DISC1: variants seen among roughly 807,000 people sequenced by gnomAD.
DISC1 encodes the protein DISC1 scaffold protein.
A neutral mutation model predicts 84.5 loss-of-function variants in DISC1; 57 were observed. The ratio of observed to expected loss-of-function variants is 0.67; its 90% CI spans 0.55 to 0.84. The LOEUF (loss-of-function observed/expected upper bound fraction) is 0.84. DISC1 is among the 40% of genes least tolerant of loss of function. DISC1 has a pLI of 0.00. For synonymous variants in DISC1, 411 were observed against 415.2 expected (o/e 0.99, Z 0.12); for missense variants, 1,000 against 1,057.8 (o/e 0.95, Z 0.76).
intron 3 of DISC1, among the ~76,000 whole-genome samples, chr1:231,712,780 G>A (rs528848980): frequency 1.3e-5 from 2 of 152,304 alleles, no homozygotes; most frequent in South Asian, 2.1e-4. Flanking sequence ...AAAATGGCAG[G>A]CATTGCTTGC....
At chr1:231,650,507 T>C (rs1404992783) in intron 1 of DISC1, among the ~76,000 whole-genome samples, 2 of 152,250 alleles carry the variant, frequency 1.3e-5, no homozygotes, top group Non-Finnish European at 2.9e-5. Flanking sequence ...TTTTCCTTCA[T>C]TTCAACCTTG....
intron 1 of DISC1, among the ~76,000 whole-genome samples, chr1:231,677,388 C>T (rs6541281): frequency 0.4 from 60,345 of 152,078 alleles, 12,893 homozygotes; most frequent in Middle Eastern, 0.48. Context: ...CGTAGCTCTT[C>T]TCTCTTTTTA....
Position 231,850,123 on chromosome 1 carries a change from G to A in DISC1, c.1981+31606G>A, listed in dbSNP as rs113165225. ...TGTGGGAGGGCTGGGCCCCACCTAC[G>A]GAGAACTCTGGTAGTGTGCCAAGAG... On this transcript the variant is annotated intron_variant, in intron 9 of 12. Coordinates refer to ENST00000439617, the MANE Select transcript of DISC1 (RefSeq NM_018662.3). Among the ~76,000 whole-genome samples the A allele has an allele frequency of 1.4e-4, 22 of 152,306 alleles. 1 individual carries two copies. Among genetic ancestry groups the A allele is most frequent in the African/African-American group, 4.1e-4 (17 of 41,560 alleles).
intron 1 of DISC1, among the ~76,000 whole-genome samples, chr1:231,666,707 G>A (rs1224692939): frequency 2.6e-5 from 4 of 152,086 alleles, no homozygotes; most frequent in Non-Finnish European, 5.9e-5. Flanking sequence ...TGACACCTCT[G>A]TGACCTCGCC....
At chr1:231,743,567 A>G (rs1029612156) in intron 3 of DISC1, among the ~76,000 whole-genome samples, 4 of 152,248 alleles carry the variant, frequency 2.6e-5, no homozygotes, top group Non-Finnish European at 5.9e-5. Context: ...ATAAAGTATT[A>G]AGAAAGAAAT....
chr1:231,833,292 ATATC>A (rs2082382002), intron 9 of DISC1, among the ~76,000 whole-genome samples: 2 of 151,570 alleles, frequency 1.3e-5, no homozygotes, highest in South Asian at 4.2e-4. Context: ...CTGGCCGTCA[ATATC>A]TACAACAGTT....
intron 8 of DISC1, among the ~76,000 whole-genome samples, chr1:231,802,599 T>C (rs2079361156): frequency 6.6e-6 from 1 of 152,148 alleles, no homozygotes; most frequent in Non-Finnish European, 1.5e-5. Flanking sequence ...TTGCAGAGAG[T>C]AGGAATAACA....
Position 231,859,070 on chromosome 1 carries a change from C to G in DISC1, c.1981+40553C>G, listed in dbSNP as rs1009037023. Among the ~76,000 whole-genome samples the G allele has an allele frequency of 1.1e-4, 16 of 152,178 alleles. 1 individual carries two copies. The highest frequency in any genetic ancestry group is 3.1e-4 in the African/African-American group (13 of 41,428). ...TCTGTGGGAGCTGCATCTCATCAAC[C>G]TATTTTGGAAACCAGCATACTTCTG... On this transcript the variant is annotated intron_variant, in intron 9 of 12. Transcript: ENST00000439617.
intron 8 of DISC1, among the ~76,000 whole-genome samples, chr1:231,800,575 GTCC>G (rs1266824437): frequency 3.3e-5 from 5 of 152,040 alleles, no homozygotes; most frequent in Non-Finnish European, 5.9e-5. Flanking sequence ...ACAAATTAAT[GTCC>G]TCAGTTTGAA....
chr1:232,006,861 G>GA (rs1667514834), intron 10 of DISC1, among the ~76,000 whole-genome samples: 1 of 152,284 alleles, frequency 6.6e-6, no homozygotes, highest in South Asian at 2.1e-4. Flanking sequence ...GACCTAGGAG[G>GA]AAAATATGGT....
intron 9 of DISC1, among the ~76,000 whole-genome samples, chr1:231,851,177 C>T (rs2083871198): frequency 6.6e-6 from 1 of 152,172 alleles, no homozygotes; most frequent in Non-Finnish European, 1.5e-5. Context: ...ACATCTGTGG[C>T]ATGTGGATGA....
At chr1:231,860,593 T>G (rs1474687545) in intron 9 of DISC1, among the ~76,000 whole-genome samples, 1 of 152,154 alleles carries the variant, frequency 6.6e-6, no homozygotes, top group Non-Finnish European at 1.5e-5. Context: ...AAGCCCACGT[T>G]TTCAGGAAAG....
At chr1:231,706,247 A>G (rs958663269) in intron 3 of DISC1, among the ~76,000 whole-genome samples, 3 of 152,202 alleles carry the variant, frequency 2.0e-5, no homozygotes, top group Non-Finnish European at 2.9e-5. Context: ...CATTGCATTA[A>G]TGCCTATCCC....
Position 232,026,565 on chromosome 1 carries a change from T to C in DISC1, c.2425+13T>C. On this transcript the variant is annotated intron_variant, in intron 12 of 12. Transcript: ENST00000439617. Reference sequence around the variant, plus strand: ...GAAGATCTCATTCATATCCTTTTCATCTTGCAGATGAAGCAAGGCAAAGTT... The same window carrying C: ...GAAGATCTCATTCATATCCTTTTCACCTTGCAGATGAAGCAAGGCAAAGTT... 1.3e-6 allele frequency: 2 copies of C among 1,575,952 alleles called. No individual in the cohort carries two copies. Among genetic ancestry groups the C allele is most frequent in the Non-Finnish European group, 1.7e-6 (2 of 1,154,404 alleles).
intron 3 of DISC1, among the ~76,000 whole-genome samples, chr1:231,741,692 G>A (rs2073301668): frequency 6.6e-6 from 1 of 152,178 alleles, no homozygotes; most frequent in Non-Finnish European, 1.5e-5. Context: ...GGGATCTGAT[G>A]GATGAGGTAG....
chr1:232,032,458 A>G (rs9663054), intron 12 of DISC1, among the ~76,000 whole-genome samples: 13,696 of 152,148 alleles, frequency 0.09, 1,139 homozygotes, highest in African/African-American at 0.22. Flanking sequence ...GCAAACACAG[A>G]CATTTTAACA....
rs200487656 is a variant in DISC1, at chr1:231,821,714, CT to C, written c.1981+3213del. ...CAACTTTTACAGTTTGCTACATCTG[CT>C]TTTTTTTTTTTTTTTGAGACAGAGT... On this transcript the variant is annotated intron_variant, in intron 9 of 12. Transcript: ENST00000439617. Among the ~76,000 whole-genome samples, 1,164 of 137,186 alleles carry C rather than the reference CT, an allele frequency of 8.5e-3. 10 individuals carry two copies. Among genetic ancestry groups the C allele is most frequent in the African/African-American group, 0.027 (984 of 37,102 alleles). 90.0% of individuals were successfully genotyped at this position (137,186 alleles called of 152,430 possible).
At chr1:231,867,149 G>C (rs1407213209) in intron 9 of DISC1, among the ~76,000 whole-genome samples, 1 of 152,158 alleles carries the variant, frequency 6.6e-6, no homozygotes. Flanking sequence ...GTATTCTCCA[G>C]ATGGCTGTCT....
At chr1:231,841,171 A>G (rs544254813) in intron 9 of DISC1, among the ~76,000 whole-genome samples, 1 of 152,228 alleles carries the variant, frequency 6.6e-6, no homozygotes, top group East Asian at 1.9e-4. Context: ...AATTATGCAG[A>G]TCTTCCAAAA....
Sources: gnomAD v4.1 joint callset for allele counts (sites outside exome capture counted in the v4.1 genomes callset) on GRCh38, gnomAD v4.1.1 for gene constraint, MANE v1.5 for transcripts, NCBI Gene and HGNC (gene_info 2026-07-23, HGNC 2026-07-21) for gene names.